CADPS2: variants seen among roughly 807,000 people sequenced by gnomAD.
CADPS2 encodes the protein calcium-dependent secretion activator 2.
A neutral mutation model predicts 172.5 loss-of-function variants in CADPS2; 93 were observed. The ratio of observed to expected loss-of-function variants is 0.54; its 90% CI spans 0.46 to 0.64. The LOEUF (loss-of-function observed/expected upper bound fraction) is 0.64. Among genes scored for constraint, CADPS2 ranks in the 30% least tolerant of loss-of-function variants. CADPS2 has a pLI of 0.00. For missense variants in CADPS2, 1,420 were observed against 1,565.9 expected (o/e 0.91, Z 1.57); for synonymous variants, 546 against 555.2 (o/e 0.98, Z 0.23).
intron 1 of CADPS2, among the ~76,000 whole-genome samples, chr7:122,802,737 T>C (rs1467797136): frequency 6.6e-6 from 1 of 152,186 alleles, no homozygotes; most frequent in Non-Finnish European, 1.5e-5. Flanking sequence ...AGCACGTGTC[T>C]ACTTTCACCA....
intron 2 of CADPS2, among the ~76,000 whole-genome samples, chr7:122,719,564 T>G (rs1398152780): frequency 6.6e-6 from 1 of 152,174 alleles, no homozygotes; most frequent in Non-Finnish European, 1.5e-5. Context: ...AGAGGTTAAG[T>G]GTATTTAATA....
At chr7:122,341,224 T>C (rs1332921293) in intron 28 of CADPS2, among the ~76,000 whole-genome samples, 2 of 152,222 alleles carry the variant, frequency 1.3e-5, no homozygotes, top group East Asian at 3.9e-4. Context: ...TAGATTTTCT[T>C]TTCTATTAAT....
intron 1 of CADPS2, among the ~76,000 whole-genome samples, chr7:122,758,246 C>G (rs1251845324): frequency 1.3e-5 from 2 of 152,260 alleles, no homozygotes; most frequent in South Asian, 2.1e-4. Flanking sequence ...CCTGCAGGGT[C>G]TCAAAGAAAT....
At chr7:122,752,291 T>A (rs1250496012) in intron 1 of CADPS2, among the ~76,000 whole-genome samples, 1 of 152,188 alleles carries the variant, frequency 6.6e-6, no homozygotes, top group African/African-American at 2.4e-5. Context: ...CATTTTAAAT[T>A]ATAGAATAAC....
At chr7:122,860,297 T>G (rs1277922727) in intron 1 of CADPS2, among the ~76,000 whole-genome samples, 1 of 152,152 alleles carries the variant, frequency 6.6e-6, no homozygotes, top group African/African-American at 2.4e-5. Flanking sequence ...AGTGTAATCA[T>G]AGCTCACTGC....
intron 1 of CADPS2, among the ~76,000 whole-genome samples, chr7:122,830,427 A>G (rs972599667): frequency 6.6e-6 from 1 of 152,174 alleles, no homozygotes; most frequent in South Asian, 2.1e-4. Context: ...TGCAAATCTC[A>G]CTGATCTCAA....
At chr7:122,872,124 C>T (rs1323053865) in intron 1 of CADPS2, among the ~76,000 whole-genome samples, 1 of 152,054 alleles carries the variant, frequency 6.6e-6, no homozygotes, top group Non-Finnish European at 1.5e-5. Context: ...GCTTCTTATA[C>T]CAAGATCTGT....
At chr7:122,830,546 T>C (rs890589467) in intron 1 of CADPS2, among the ~76,000 whole-genome samples, 3 of 152,200 alleles carry the variant, frequency 2.0e-5, no homozygotes, top group Admixed American at 1.3e-4. Flanking sequence ...CTCCCATATA[T>C]AGCGCATTAG....
chr7:122,720,289 A>C (rs942447573), intron 2 of CADPS2, among the ~76,000 whole-genome samples: 4 of 152,014 alleles, frequency 2.6e-5, no homozygotes, highest in African/African-American at 9.7e-5. Context: ...GACACGCAAA[A>C]CATATCCAAA....
rs930943920 is a variant in CADPS2, at chr7:122,393,199, G to A, written c.3005C>T (p.Ser1002Phe). ...GAAATAAGTGAGGAATACACACGTG[G>A]ACTCATATAAAGAAGGCATCCACGA... is the stretch of plus-strand genomic sequence containing the variant. Reference protein sequence around the residue: ...TASWMPSLYESTNGSATSEDL... With the variant: ...TASWMPSLYEFTNGSATSEDL... Residue 1002 changes from serine to phenylalanine, a missense_variant, in exon 22 of 30, where the codon TCC (serine) becomes TTC (phenylalanine). Physicochemically the swap from Ser to Phe is radical, Grantham distance 155 (BLOSUM62 -2). Coordinates refer to ENST00000449022, the MANE Select transcript of CADPS2 (RefSeq NM_017954.11). 46 of 1,613,514 alleles carry A rather than the reference G, an allele frequency of 2.9e-5. No homozygotes were observed. The highest frequency in any genetic ancestry group is 3.8e-5 in the Non-Finnish European group (45 of 1,179,734).
chr7:122,357,489 T>C (rs1234321138), intron 27 of CADPS2: 1 of 152,168 alleles, frequency 6.6e-6, no homozygotes, highest in Non-Finnish European at 1.5e-5. Context: ...GATCACTTAA[T>C]TGATTTTTAA....
chr7:122,611,359 G>A (rs570902764), intron 6 of CADPS2, among the ~76,000 whole-genome samples: 23 of 151,962 alleles, frequency 1.5e-4, no homozygotes, highest in Non-Finnish European at 2.9e-4. Flanking sequence ...ATCGGAAACG[G>A]AAAAGAGGAC....
chr7:122,495,210 G>C (rs1235410960), intron 9 of CADPS2, among the ~76,000 whole-genome samples: 1 of 152,014 alleles, frequency 6.6e-6, no homozygotes, highest in Non-Finnish European at 1.5e-5. Context: ...TTGTTGAATG[G>C]TAATTTCTTA....
At chr7:122,429,484 T>G (rs529016507) in intron 17 of CADPS2, among the ~76,000 whole-genome samples, 24 of 152,112 alleles carry the variant, frequency 1.6e-4, no homozygotes, top group African/African-American at 5.8e-4. Flanking sequence ...AGCAAACAAT[T>G]TGTATCTAAC....
intron 3 of CADPS2, among the ~76,000 whole-genome samples, chr7:122,646,460 G>A (rs1308630232): frequency 6.6e-6 from 1 of 151,948 alleles, no homozygotes; most frequent in Admixed American, 6.6e-5. Flanking sequence ...ACAGACACAG[G>A]GGCAGGAAGG....
At chr7:122,862,440 C>T (rs964753230) in intron 1 of CADPS2, among the ~76,000 whole-genome samples, 2 of 152,152 alleles carry the variant, frequency 1.3e-5, no homozygotes, top group African/African-American at 4.8e-5. Flanking sequence ...TCCCTCCTTG[C>T]CACAGAAGGT....
intron 3 of CADPS2, among the ~76,000 whole-genome samples, chr7:122,649,826 G>A (rs1375219638): frequency 1.3e-5 from 2 of 148,640 alleles, no homozygotes; most frequent in Non-Finnish European, 3.0e-5. Flanking sequence ...TTGAGGGAAG[G>A]AATCAAATCT....
intron 11 of CADPS2, among the ~76,000 whole-genome samples, chr7:122,489,857 A>G (rs2058133700): frequency 6.6e-6 from 1 of 152,140 alleles, no homozygotes; most frequent in Non-Finnish European, 1.5e-5. Context: ...TTCTAGAAAT[A>G]CCCTAATGCT....
intron 11 of CADPS2, among the ~76,000 whole-genome samples, chr7:122,487,157 C>A (rs751226233): frequency 4.7e-4 from 72 of 151,836 alleles, no homozygotes; most frequent in Non-Finnish European, 7.9e-4. Context: ...ACTACAGCCA[C>A]GTACCACCAT....
Sources: allele counts gnomAD v4.1 joint callset (sites outside exome capture counted in the v4.1 genomes callset), GRCh38; gene constraint gnomAD v4.1.1; transcripts MANE v1.5; gene names NCBI Gene and HGNC (gene_info 2026-07-23, HGNC 2026-07-21).